Variants in TMCC1 observed in about 807,000 individuals in gnomAD.
TMCC1 encodes the protein transmembrane and coiled-coil domains protein 1.
In TMCC1, 15 loss-of-function variants were observed where a neutral mutation model predicts 52.4. The ratio of observed to expected loss-of-function variants is 0.29; its 90% CI spans 0.19 to 0.44. The LOEUF (loss-of-function observed/expected upper bound fraction) is 0.44, where lower values mean the gene tolerates loss of function less well. TMCC1 is among the 20% of genes least tolerant of loss of function. The pLI, the probability that TMCC1 is intolerant of heterozygous loss-of-function variation, is 1.00. For synonymous variants in TMCC1, 279 were observed against 301.9 expected (o/e 0.92, Z 0.79); for missense variants, 503 against 806.0 (o/e 0.62, Z 4.55).
chr3:129,706,273 G>A (rs368134323), intron 4 of TMCC1, among the ~76,000 whole-genome samples: 13 of 151,062 alleles, frequency 8.6e-5, no homozygotes, highest in East Asian at 7.9e-4. Context: ...GCGCGATCTC[G>A]GCTTACTGCA....
chr3:129,799,964 TA>T (rs2057084541), intron 4 of TMCC1, among the ~76,000 whole-genome samples: 1 of 152,162 alleles, frequency 6.6e-6, no homozygotes, highest in Non-Finnish European at 1.5e-5. Context: ...TATAAAGATA[TA>T]AAACATCTAT....
At chr3:129,727,728 T>C (rs553378861) in intron 4 of TMCC1, among the ~76,000 whole-genome samples, 1 of 152,288 alleles carries the variant, frequency 6.6e-6, no homozygotes, top group Admixed American at 6.5e-5. Context: ...GACAGTAATT[T>C]GGAGGTCCCT....
Position 129,828,409 on chromosome 3 carries a change from C to T in TMCC1, c.-31G>A. 6.3e-7 allele frequency: 1 copy of T among 1,585,688 alleles called. No individual in the cohort carries two copies. Among genetic ancestry groups the T allele is most frequent in the Non-Finnish European group, 8.6e-7 (1 of 1,166,862 alleles). On this transcript the variant is annotated 5_prime_UTR_variant, in exon 4 of 7. Transcript: ENST00000393238. This position sits in a 1 kb window ranked among gnomAD's most constrained non-coding sequence, Gnocchi z 4.1. ...GACTTAATATGCTTATTTGCAAACT[C>T]AAAAAAATTTTTTAAACACACCAAG...
intron 4 of TMCC1, among the ~76,000 whole-genome samples, chr3:129,680,214 T>C (rs972507200): frequency 6.6e-6 from 1 of 152,210 alleles, no homozygotes; most frequent in East Asian, 1.9e-4. Flanking sequence ...ACTCCTTAGA[T>C]AGACAGACAT....
At chr3:129,759,674 C>T (rs1199356741) in intron 4 of TMCC1, among the ~76,000 whole-genome samples, 1 of 150,098 alleles carries the variant, frequency 6.7e-6, no homozygotes, top group Non-Finnish European at 1.5e-5. Flanking sequence ...CCCAAAGCCC[C>T]CCGTCTACAG....
At chr3:129,691,361 C>G (rs1282862493) in intron 4 of TMCC1, among the ~76,000 whole-genome samples, 1 of 152,060 alleles carries the variant, frequency 6.6e-6, no homozygotes, top group Non-Finnish European at 1.5e-5. Context: ...CCAGCCTGGG[C>G]AATGAAAGGG....
intron 2 of TMCC1, among the ~76,000 whole-genome samples, chr3:129,835,694 C>A (rs929881131): frequency 5.3e-5 from 8 of 152,084 alleles, no homozygotes; most frequent in Non-Finnish European, 2.9e-5. Flanking sequence ...ATATATCATG[C>A]TACTACTTTT....
rs538966253 is a variant in TMCC1, at chr3:129,697,763, C to T, written c.577-26499G>A. The stretch of plus-strand genomic sequence containing the variant: ...GATCCTTAGGGCAGGGGCAAAGTGC[C>T]GCCAGTCTCTTTGCTAACACATAAC... On this transcript the variant is annotated intron_variant, in intron 4 of 6. Coordinates refer to ENST00000393238, the MANE Select transcript of TMCC1 (RefSeq NM_001017395.5). Among the ~76,000 whole-genome samples the T allele has an allele frequency of 1.3e-3, 201 of 152,290 alleles. 2 individuals are homozygous for T. The highest frequency in any genetic ancestry group is 4.4e-3 in the African/African-American group (183 of 41,568).
chr3:129,749,540 TAAAAAC>T (rs2052309689), intron 4 of TMCC1, among the ~76,000 whole-genome samples: 1 of 152,166 alleles, frequency 6.6e-6, no homozygotes, highest in Non-Finnish European at 1.5e-5. Flanking sequence ...TTCAGAGAAG[TAAAAAC>T]AAAGATGTTT....
At chr3:129,724,176 T>A (rs991007060) in intron 4 of TMCC1, among the ~76,000 whole-genome samples, 1 of 152,146 alleles carries the variant, frequency 6.6e-6, no homozygotes, top group African/African-American at 2.4e-5. Context: ...TTGGCAGCTG[T>A]ACAGAATGCC....
chr3:129,660,924 C>CTG (rs1459831688), intron 5 of TMCC1, among the ~76,000 whole-genome samples: 2 of 152,126 alleles, frequency 1.3e-5, no homozygotes, highest in Non-Finnish European at 2.9e-5. Context: ...GACTACAGAC[C>CTG]TGTGCCATTG....
intron 1 of TMCC1, among the ~76,000 whole-genome samples, chr3:129,890,816 A>C (rs2061932537): frequency 6.6e-6 from 1 of 152,260 alleles, no homozygotes; most frequent in South Asian, 2.1e-4. Context: ...GGAATTTTCC[A>C]GAAGAGTTTT....
At chr3:129,655,407 G>A (rs2086609359) in intron 5 of TMCC1, among the ~76,000 whole-genome samples, 2 of 152,160 alleles carry the variant, frequency 1.3e-5, no homozygotes, top group Non-Finnish European at 2.9e-5. Context: ...CAGTCATTAG[G>A]CTCCTCTGAA....
At chr3:129,703,176 T>C (rs984874175) in intron 4 of TMCC1, among the ~76,000 whole-genome samples, 1 of 152,206 alleles carries the variant, frequency 6.6e-6, no homozygotes, top group African/African-American at 2.4e-5. Flanking sequence ...CTAAATTGCA[T>C]AGAGCTTGTG....
At chr3:129,797,967 G>T (rs527675990) in intron 4 of TMCC1, among the ~76,000 whole-genome samples, 37 of 149,010 alleles carry the variant, frequency 2.5e-4, no homozygotes, top group Admixed American at 9.4e-4. Context: ...TAGGTTGACA[G>T]AGCACCCGAG....
chr3:129,760,070 G>T (rs1001228434), intron 4 of TMCC1, among the ~76,000 whole-genome samples: 10 of 151,766 alleles, frequency 6.6e-5, no homozygotes, highest in Admixed American at 3.9e-4. Context: ...AATAGTTTAA[G>T]GTTTACAGAA....
At chr3:129,690,164 T>G (rs1018615728) in intron 4 of TMCC1, among the ~76,000 whole-genome samples, 5 of 152,220 alleles carry the variant, frequency 3.3e-5, no homozygotes, top group African/African-American at 4.8e-5. Flanking sequence ...TACAAGTATT[T>G]TGTTATTTCA....
chr3:129,718,118 A>G (rs1410299256), intron 4 of TMCC1, among the ~76,000 whole-genome samples: 1 of 152,254 alleles, frequency 6.6e-6, no homozygotes, highest in Non-Finnish European at 1.5e-5. Flanking sequence ...CATAAAACAT[A>G]TGCAGACACT....
chr3:129,807,416 A>G (rs543553647), intron 4 of TMCC1, among the ~76,000 whole-genome samples: 1 of 152,350 alleles, frequency 6.6e-6, no homozygotes, highest in African/African-American at 2.4e-5. Context: ...TTCCAGATCC[A>G]GTCTTTGAGT....
Sources: allele counts gnomAD v4.1 joint callset (sites outside exome capture counted in the v4.1 genomes callset), GRCh38; gene constraint gnomAD v4.1.1; non-coding constraint Gnocchi (gnomAD v3.1); transcripts MANE v1.5; gene names NCBI Gene and HGNC (gene_info 2026-07-23, HGNC 2026-07-21).